Variants in RMP64 observed in about 807,000 individuals in gnomAD.
The protein encoded by RMP64 is nucleolus and neural progenitor protein.
the RMP64 span, chr3:113,011,187 T>C: frequency 6.2e-7 from 1 of 1,613,478 alleles, no homozygotes; most frequent in Non-Finnish European, 8.5e-7. Context: ...TTAAAAACAG[T>C]TTATTTAGCA....
the RMP64 span, chr3:113,005,795 T>A: frequency 1.2e-6 from 2 of 1,613,968 alleles, no homozygotes; most frequent in Non-Finnish European, 1.7e-6. Flanking sequence ...AGCACTGGTA[T>A]CTGTAGCACT....
At chr3:113,005,866 C>T in the RMP64 span, 10,227 of 1,613,860 alleles carry the variant, frequency 6.3e-3, 65 homozygotes, top group South Asian at 0.013. Flanking sequence ...GCAACTTTCT[C>T]TGTGGTTTCC....
At chr3:113,002,529 G>A in the RMP64 span, 1 of 152,204 alleles carries the variant, frequency 6.6e-6, no homozygotes, top group Non-Finnish European at 1.5e-5. Context: ...CCCGACCCAG[G>A]GCTTATATGC....
At chr3:113,005,871 G>A in the RMP64 span, 11 of 1,613,748 alleles carry the variant, frequency 6.8e-6, no homozygotes, top group Non-Finnish European at 9.3e-6. Flanking sequence ...TTTCTCTGTG[G>A]TTTCCTTTGT....
chr3:113,007,956 G>A, the RMP64 span, among the ~76,000 whole-genome samples: 1 of 152,208 alleles, frequency 6.6e-6, no homozygotes, highest in Non-Finnish European at 1.5e-5. Context: ...GCATAACGGG[G>A]ACTGAAGTCC....
the RMP64 span, among the ~76,000 whole-genome samples, chr3:113,016,926 G>T: frequency 6.6e-6 from 1 of 152,146 alleles, no homozygotes; most frequent in African/African-American, 2.4e-5. Flanking sequence ...TGAGCTGGAG[G>T]GCCCAATTTT....
At chr3:113,013,909 T>C in the RMP64 span, 3 of 1,309,330 alleles carry the variant, frequency 2.3e-6, no homozygotes, top group Non-Finnish European at 2.2e-6. Flanking sequence ...AGACATTGAG[T>C]TCCCAGCCCA....
chr3:113,005,657 C>CT, the RMP64 span: 5 of 1,613,734 alleles, frequency 3.1e-6, no homozygotes, highest in South Asian at 1.1e-5. Context: ...ATGGATGCCT[C>CT]TAAGATTTTC....
At chr3:113,008,487 A>C in the RMP64 span, 1 of 1,437,822 alleles carries the variant, frequency 7.0e-7, no homozygotes. Flanking sequence ...TTGTAATTAT[A>C]TGACAACAAG....
At chr3:113,016,533 T>A in the RMP64 span, among the ~76,000 whole-genome samples, 2 of 152,100 alleles carry the variant, frequency 1.3e-5, no homozygotes, top group African/African-American at 2.4e-5. Context: ...CTTTGAGGGT[T>A]AGCAAGCTTG....
chr3:113,003,915 T>C, the RMP64 span: 1 of 152,174 alleles, frequency 6.6e-6, no homozygotes, highest in African/African-American at 2.4e-5. Flanking sequence ...AGAGGCTACT[T>C]AGGGGACTGG....
At chr3:113,019,288 T>G in the RMP64 span, 1 of 532,060 alleles carries the variant, frequency 1.9e-6, no homozygotes, top group African/African-American at 2.0e-5. Flanking sequence ...AGCGCACGGC[T>G]GAGCCTTGGT....
the RMP64 span, chr3:113,010,445 G>C: frequency 3.7e-6 from 2 of 536,356 alleles, no homozygotes; most frequent in Non-Finnish European, 6.6e-6. Context: ...ATTTCTGAAG[G>C]TACTCTATTA....
the RMP64 span, chr3:113,011,205 T>G: frequency 3.7e-6 from 6 of 1,613,176 alleles, no homozygotes; most frequent in East Asian, 1.3e-4. Flanking sequence ...GCAATTTATT[T>G]ATTCCTTTAG....
At chr3:113,013,127 G>A in the RMP64 span, 86 of 841,460 alleles carry the variant, frequency 1.0e-4, no homozygotes, top group Non-Finnish European at 1.6e-4. Flanking sequence ...CAATTCCTGA[G>A]AAAAGGAGGC....
chr3:113,017,494 T>G, the RMP64 span: 2 of 1,614,204 alleles, frequency 1.2e-6, no homozygotes, highest in Non-Finnish European at 1.7e-6. Context: ...TCTGTTGTGA[T>G]TGCTGTAAAG....
chr3:113,009,781 T>C, the RMP64 span, among the ~76,000 whole-genome samples: 1 of 152,150 alleles, frequency 6.6e-6, no homozygotes, highest in Non-Finnish European at 1.5e-5. Context: ...ACTTCATGCA[T>C]ATAAAAGCAC....
the RMP64 span, chr3:113,019,588 C>G: frequency 1.2e-6 from 2 of 1,613,904 alleles, no homozygotes; most frequent in Admixed American, 1.7e-5. Flanking sequence ...TGCGGTTCCC[C>G]GCCTTAGGGA....
At chr3:113,013,239 AAAGAAGGTAT>A in the RMP64 span, 1 of 1,608,270 alleles carries the variant, frequency 6.2e-7, no homozygotes, top group Non-Finnish European at 8.5e-7. Flanking sequence ...TTCCAAATCA[AAAGAAGGTAT>A]ATTTCAAGAT....
Sources: allele counts gnomAD v4.1 joint callset (sites outside exome capture counted in the v4.1 genomes callset), GRCh38; gene constraint gnomAD v4.1.1; transcripts MANE v1.5; gene names NCBI Gene and HGNC (gene_info 2026-07-23, HGNC 2026-07-21).